Variants in DIP2C observed in about 807,000 individuals in gnomAD.
DIP2C encodes DIP2 acetate--CoA ligase C (putative), also known as disco-interacting protein 2 homolog C.
A neutral mutation model predicts 192.4 loss-of-function variants in DIP2C; 33 were observed. That is an observed-to-expected ratio of 0.17 (90% CI 0.13 to 0.23). The LOEUF is 0.23. Among genes scored for constraint, DIP2C ranks in the 10% least tolerant of loss-of-function variants. The pLI is 1.00. For missense variants in DIP2C, 1,537 were observed against 2,110.1 expected (o/e 0.73, Z 5.32); for synonymous variants, 979 against 864.1 (o/e 1.13, Z -2.33).
At chr10:392,276 G>A (rs1963526565) in intron 10 of DIP2C, among the ~76,000 whole-genome samples, 1 of 152,224 alleles carries the variant, frequency 6.6e-6, no homozygotes, top group African/African-American at 2.4e-5. Flanking sequence ...CCGGGCCGAG[G>A]CAGGAGAACA....
At chr10:445,021 G>A (rs934759802) in intron 3 of DIP2C, among the ~76,000 whole-genome samples, 14 of 152,196 alleles carry the variant, frequency 9.2e-5, no homozygotes, top group African/African-American at 2.4e-4. Context: ...TGGCCGTGCC[G>A]TTTTAAGTCT....
chr10:352,936 C>A (rs1429806304), intron 24 of DIP2C, among the ~76,000 whole-genome samples: 1 of 152,144 alleles, frequency 6.6e-6, no homozygotes, highest in Non-Finnish European at 1.5e-5. Context: ...TTTCCATTTT[C>A]CCATGAACTC....
At chr10:550,246 G>T (rs565069358) in intron 1 of DIP2C, among the ~76,000 whole-genome samples, 104 of 151,350 alleles carry the variant, frequency 6.9e-4, no homozygotes, top group African/African-American at 2.4e-3. Context: ...CTGACCTCAC[G>T]TGATCCACCC....
In DIP2C at chr10:305,215, A is replaced by G. The variant is rs560644906; in HGVS notation, c.3986+4816T>C. ...ACTTGTACCCACATCACACTCACCC[A>G]TGCAACACATGACACAGGCAAGCTC... On this transcript the variant is annotated intron_variant, in intron 32 of 36. Transcript: ENST00000280886. Among the ~76,000 whole-genome samples, 14 of 152,328 alleles carry G rather than the reference A, an allele frequency of 9.2e-5. 1 individual carries two copies. In the South Asian group the frequency reaches 2.7e-3, roughly 29 times the overall value.
chr10:579,426 A>C (rs1314738049), intron 1 of DIP2C, among the ~76,000 whole-genome samples: 1 of 152,070 alleles, frequency 6.6e-6, no homozygotes. Context: ...GTATGTACAT[A>C]GGTACACTAT....
At chr10:500,490 C>A (rs752788462) in intron 1 of DIP2C, among the ~76,000 whole-genome samples, 10 of 152,228 alleles carry the variant, frequency 6.6e-5, no homozygotes, top group Non-Finnish European at 1.2e-4. Flanking sequence ...ACGAGAATTT[C>A]CAAATGCCAT....
chr10:408,221 T>A (rs542935645), intron 9 of DIP2C, among the ~76,000 whole-genome samples: 1 of 150,504 alleles, frequency 6.6e-6, no homozygotes, highest in South Asian at 2.1e-4. Context: ...CCGTTGAGTA[T>A]CTTGGCACCT....
At chr10:579,507 G>C (rs1442652002) in intron 1 of DIP2C, among the ~76,000 whole-genome samples, 5 of 151,832 alleles carry the variant, frequency 3.3e-5, no homozygotes, top group African/African-American at 1.2e-4. Flanking sequence ...CACTATGTGT[G>C]TACATGCAGA....
chr10:384,220 G>A, intron 15 of DIP2C, 74 bp from the exon 16 acceptor site: 8 of 1,476,894 alleles, frequency 5.4e-6, no homozygotes, highest in Non-Finnish European at 7.2e-6. Context: ...AGAGATCATT[G>A]TGAGTAGTGG....
intron 1 of DIP2C, among the ~76,000 whole-genome samples, chr10:632,191 G>A (rs1047139129): frequency 3.3e-5 from 5 of 152,266 alleles, no homozygotes; most frequent in African/African-American, 1.2e-4. Flanking sequence ...TGTGAAGAGA[G>A]AAACAGTTAA....
Position 532,283 on chromosome 10 carries a change from G to A in DIP2C, c.86-45753C>T, listed in dbSNP as rs184106265. Among the ~76,000 whole-genome samples, 231 of 151,566 alleles carry A rather than the reference G, an allele frequency of 1.5e-3. 2 individuals carry two copies. Among genetic ancestry groups the A allele is most frequent in the African/African-American group, 5.4e-3 (222 of 41,108 alleles). ...AAGCCCTGCCCCCACCTCCACCCCC[G>A]CAGTCATGCTGAACCAGAACTGGCT... On this transcript the variant is annotated intron_variant, in intron 1 of 36. Coordinates refer to ENST00000280886, the MANE Select transcript of DIP2C (RefSeq NM_014974.3).
At chr10:515,895 C>T (rs1228797032) in intron 1 of DIP2C, among the ~76,000 whole-genome samples, 1 of 152,102 alleles carries the variant, frequency 6.6e-6, no homozygotes, top group African/African-American at 2.4e-5. Flanking sequence ...CCCACAGAAA[C>T]TCCTGGGACC....
At chr10:475,838 G>C (rs1242087462) in intron 2 of DIP2C, among the ~76,000 whole-genome samples, 1 of 152,210 alleles carries the variant, frequency 6.6e-6, no homozygotes, top group African/African-American at 2.4e-5. Flanking sequence ...CTGGATTCCA[G>C]CCTGTGACCG....
At position 378,357 on chromosome 10, in the gene DIP2C, GCA is replaced by G. The variant is rs529372055; in HGVS notation, c.1991+4288_1991+4289del. Among the ~76,000 whole-genome samples the G allele has an allele frequency of 2.8e-4, 42 of 152,236 alleles. No homozygotes were observed. The South Asian group carries it at 8.1e-3, about 29-fold the overall frequency. On this transcript the variant is annotated intron_variant, in intron 17 of 36. Coordinates refer to ENST00000280886, the MANE Select transcript of DIP2C (RefSeq NM_014974.3). ...AAGGTGAAAACAGACACACATGAAG[GCA>G]CACACATCAACACAAACACGAAAAC...
At chr10:554,113 AG>A (rs1848724260) in intron 1 of DIP2C, among the ~76,000 whole-genome samples, 1 of 152,268 alleles carries the variant, frequency 6.6e-6, no homozygotes, top group African/African-American at 2.4e-5. Context: ...AGTGGCGAAC[AG>A]GCAGGAAATA....
intron 3 of DIP2C, among the ~76,000 whole-genome samples, chr10:444,692 A>C (rs1968019016): frequency 6.6e-6 from 1 of 152,238 alleles, no homozygotes; most frequent in African/African-American, 2.4e-5. Flanking sequence ...ACTCCACAGC[A>C]TGGTGTTCAC....
intron 28 of DIP2C, among the ~76,000 whole-genome samples, chr10:344,477 G>A (rs1406431247): frequency 6.6e-6 from 1 of 152,166 alleles, no homozygotes; most frequent in Non-Finnish European, 1.5e-5. Flanking sequence ...ATAGAGCCCA[G>A]GTTAAAACGC....
At chr10:430,250 C>T (rs1021133561) in intron 4 of DIP2C, 1 of 152,206 alleles carries the variant, frequency 6.6e-6, no homozygotes, top group Admixed American at 6.5e-5. Flanking sequence ...AAGACAGGAT[C>T]TCAAAATGTT....
chr10:581,405 G>A (rs565311425), intron 1 of DIP2C, among the ~76,000 whole-genome samples: 144 of 152,170 alleles, frequency 9.5e-4, no homozygotes, highest in Middle Eastern at 3.4e-3. Context: ...AAAGTCAAGG[G>A]AATTTACTTA....
Sources: allele counts gnomAD v4.1 joint callset (sites outside exome capture counted in the v4.1 genomes callset), GRCh38; gene constraint gnomAD v4.1.1; transcripts MANE v1.5; gene names NCBI Gene and HGNC (gene_info 2026-07-23, HGNC 2026-07-21).